Variants in EVL observed in about 807,000 individuals in gnomAD.
EVL encodes the protein Enah/Vasp-like, also known as ena/VASP-like protein.
In EVL, 21 loss-of-function variants were observed where a neutral mutation model predicts 59.6. That is an observed-to-expected ratio of 0.35 (90% CI 0.25 to 0.51). EVL has a LOEUF of 0.51. EVL is among the 20% of genes least tolerant of loss of function. The pLI is 0.97. For synonymous variants in EVL, 198 were observed against 203.5 expected, an observed-to-expected ratio of 0.97 and a Z score of 0.23; for missense variants, 462 against 546.6, an observed-to-expected ratio of 0.85 and a Z score of 1.54.
chr14:100,133,959 A>G (rs533559563), intron 8 of EVL, among the ~76,000 whole-genome samples: 1 of 151,676 alleles, frequency 6.6e-6, no homozygotes, highest in Non-Finnish European at 1.5e-5. Flanking sequence ...AAACAACAAC[A>G]ACAAAAAAAC....
intron 1 of EVL, among the ~76,000 whole-genome samples, chr14:100,073,975 T>G (rs2062104375): frequency 6.9e-6 from 1 of 144,686 alleles, no homozygotes; most frequent in South Asian, 2.3e-4. Flanking sequence ...ATTAGCATTC[T>G]CTTCAGTGGG....
At chr14:100,010,885 C>T (rs1432084671) in intron 1 of EVL, among the ~76,000 whole-genome samples, 1 of 152,182 alleles carries the variant, frequency 6.6e-6, no homozygotes, top group Non-Finnish European at 1.5e-5. Flanking sequence ...TCAAATGTTC[C>T]GTTTTTCATC....
intron 1 of EVL, among the ~76,000 whole-genome samples, chr14:99,976,063 C>T (rs1191027): frequency 0.06 from 9,162 of 151,870 alleles, 483 homozygotes; most frequent in East Asian, 0.28. Flanking sequence ...TTTTCAGAGT[C>T]TCATTCCTTT....
In EVL at chr14:99,988,316, A is replaced by G. The variant is rs142607199; in HGVS notation, c.5+16259A>G. Among the ~76,000 whole-genome samples, 57 of 152,320 alleles carry G rather than the reference A, an allele frequency of 3.7e-4. No individual in the cohort carries two copies. The East Asian group carries it at 0.011, about 29-fold the overall frequency. ...AGCACTTGAAAAGGTGCTTAGCATCATTAGACAAGAGGAAAGGCAAACCAA... is the reference window on the plus strand; with the variant it reads ...AGCACTTGAAAAGGTGCTTAGCATCGTTAGACAAGAGGAAAGGCAAACCAA... On this transcript the variant is annotated intron_variant, in intron 1 of 13. Transcript: ENST00000402714.
chr14:100,057,468 C>T (rs2061752707), intron 1 of EVL, among the ~76,000 whole-genome samples: 1 of 152,048 alleles, frequency 6.6e-6, no homozygotes, highest in African/African-American at 2.4e-5. Context: ...GAGGACAAGT[C>T]TCAGATCATC....
intron 1 of EVL, among the ~76,000 whole-genome samples, chr14:99,979,103 A>C (rs2060789485): frequency 6.6e-6 from 1 of 152,068 alleles, no homozygotes; most frequent in Admixed American, 6.5e-5. Context: ...GTTGTCTGGT[A>C]CTGGATTAGA....
chr14:100,021,449 GA>G (rs1348620142), intron 1 of EVL, among the ~76,000 whole-genome samples: 2 of 152,178 alleles, frequency 1.3e-5, no homozygotes, highest in African/African-American at 4.8e-5. Context: ...TGCATTTTGT[GA>G]CTGCTGCATG....
At chr14:100,102,081 G>A (rs528376828) in intron 3 of EVL, among the ~76,000 whole-genome samples, 1 of 152,188 alleles carries the variant, frequency 6.6e-6, no homozygotes, top group South Asian at 2.1e-4. Flanking sequence ...CAAGTGATCC[G>A]CCCACCTCAG....
intron 8 of EVL, chr14:100,135,250 C>A (rs1257263524): frequency 1.3e-5 from 2 of 152,266 alleles, no homozygotes; most frequent in African/African-American, 4.8e-5. Context: ...GGAGACAAAG[C>A]AAAGACCTCT....
At chr14:100,010,481 C>T (rs955386529) in intron 1 of EVL, among the ~76,000 whole-genome samples, 1 of 152,166 alleles carries the variant, frequency 6.6e-6, no homozygotes, top group Non-Finnish European at 1.5e-5. Context: ...CACCATCTCA[C>T]TTCACTGCAG....
upstream of EVL, among the ~76,000 whole-genome samples, chr14:100,061,069 G>T (rs930593475): frequency 6.6e-6 from 1 of 151,574 alleles, no homozygotes; most frequent in African/African-American, 2.4e-5. Context: ...CTAAGAGAAT[G>T]TATTGCCAAC....
intron 1 of EVL, among the ~76,000 whole-genome samples, chr14:100,035,939 G>C (rs774306495): frequency 1.3e-5 from 2 of 152,160 alleles, no homozygotes; most frequent in South Asian, 2.1e-4. Context: ...ATGGTGACTG[G>C]TTTAGGGGCA....
intron 1 of EVL, among the ~76,000 whole-genome samples, chr14:99,995,751 C>T (rs2060908749): frequency 1.3e-5 from 2 of 152,136 alleles, no homozygotes; most frequent in Non-Finnish European, 2.9e-5. Context: ...GAGATCATCA[C>T]CAGTCAACTT....
At chr14:100,063,950 A>G (rs1566992280), upstream of EVL, among the ~76,000 whole-genome samples, 1 of 152,226 alleles carries the variant, frequency 6.6e-6, no homozygotes, top group Non-Finnish European at 1.5e-5. Flanking sequence ...AAAACACCAA[A>G]TATTTCAAAA....
intron 13 of EVL, 24 bp downstream of exon 13, chr14:100,141,817 G>T: frequency 1.2e-6 from 2 of 1,610,410 alleles, no homozygotes; most frequent in South Asian, 2.2e-5. Context: ...CACCGGGGAG[G>T]GTGGCACCCA....
intron 3 of EVL, among the ~76,000 whole-genome samples, chr14:100,099,743 T>TA (rs111671324): frequency 0.084 from 12,432 of 147,414 alleles, 605 homozygotes; most frequent in South Asian, 0.12. Flanking sequence ...TTTTTTTTTT[T>TA]AATTTTATTT....
chr14:100,115,856 TCTCCTCCTGAGCTGAG>T (rs1269073731), intron 3 of EVL, among the ~76,000 whole-genome samples: 2 of 152,228 alleles, frequency 1.3e-5, no homozygotes, highest in East Asian at 3.8e-4. Context: ...CAGGTATTTG[TCTCCTCCTGAGCTGAG>T]CTCGGAGGAT....
At chr14:100,118,348 G>T (rs946977491) in intron 3 of EVL, among the ~76,000 whole-genome samples, 1 of 152,172 alleles carries the variant, frequency 6.6e-6, no homozygotes, top group South Asian at 2.1e-4. Flanking sequence ...TCTTGAAGAT[G>T]GCAGTACCTT....
At chr14:100,046,469 C>A (rs1298979026) in intron 1 of EVL, among the ~76,000 whole-genome samples, 2 of 152,224 alleles carry the variant, frequency 1.3e-5, no homozygotes, top group African/African-American at 4.8e-5. Context: ...GATTTCAACA[C>A]CAGCCTGGCT....
Sources: gnomAD v4.1 joint callset for allele counts (sites outside exome capture counted in the v4.1 genomes callset) on GRCh38, gnomAD v4.1.1 for gene constraint, MANE v1.5 for transcripts, NCBI Gene and HGNC (gene_info 2026-07-23, HGNC 2026-07-21) for gene names.